NUP58: variants seen among roughly 807,000 people sequenced by gnomAD.
NUP58 encodes nucleoporin p58/p45.
Under a neutral mutation model 70.1 loss-of-function variants are expected in NUP58, and 17 were observed. The observed-to-expected ratio is 0.24, with a 90% CI of 0.17 to 0.36. The LOEUF (loss-of-function observed/expected upper bound fraction) is 0.36, where lower values mean the gene tolerates loss of function less well. Among genes scored for constraint, NUP58 ranks in the 10% least tolerant of loss-of-function variants. The pLI is 1.00. For missense variants in NUP58, 644 were observed against 701.5 expected, an observed-to-expected ratio of 0.92 and a Z score of 0.93; for synonymous variants, 275 against 257.6, an observed-to-expected ratio of 1.07 and a Z score of -0.65.
chr13:25,340,168 G>A lies in NUP58; in HGVS notation c.*34G>A. The A allele has an allele frequency of 6.5e-7, 1 of 1,542,938 alleles. No individual in the cohort carries two copies. Among genetic ancestry groups the A allele is most frequent in the Non-Finnish European group, 8.7e-7 (1 of 1,144,648 alleles). ...TGATGTGTTGAGAGAATCCATAGCA[G>A]CACCGTTCATTCTATGAGTCTATTT... On this transcript the variant is annotated 3_prime_UTR_variant, in exon 16 of 16. Transcript: ENST00000381736.
intron 5 of NUP58, among the ~76,000 whole-genome samples, 171 bp downstream of exon 5, chr13:25,313,922 TTTTATTTA>T (rs1256019715): frequency 2.6e-5 from 4 of 152,110 alleles, no homozygotes; most frequent in Admixed American, 1.3e-4. Context: ...ATTAACCGTA[TTTTATTTA>T]TTTATTTATT....
In NUP58 at chr13:25,312,956, A is replaced by C. The variant is rs1352640863; in HGVS notation, c.360A>C (p.Thr120=). ...LGFNKPAASA[T]PFALPITSTS... ...TCAATAAACCTGCAGCATCTGCCACACCATTTGCTCTACCTATTACCTCTA... is the reference window on the plus strand; with the variant it reads ...TCAATAAACCTGCAGCATCTGCCACCCCATTTGCTCTACCTATTACCTCTA... The change falls in exon 4 of 16, where the codon ACA becomes ACC. Residue 120 remains threonine (T), a synonymous_variant. Transcript: ENST00000381736. 6.2e-7 allele frequency: 1 copy of C among 1,614,134 alleles called. No individual in the cohort carries two copies. The highest frequency in any genetic ancestry group is 1.7e-5 in the Admixed American group (1 of 60,016).
At chr13:25,349,546 G>C (rs760952908) in intron 3 of NUP58, 9 of 152,584 alleles carry the variant, frequency 5.9e-5, no homozygotes, top group Admixed American at 1.3e-4. Context: ...CAGTCTAAAC[G>C]ATTTTTCTCT....
chr13:25,318,252 T>C (rs952414861), intron 6 of NUP58, among the ~76,000 whole-genome samples: 1 of 151,702 alleles, frequency 6.6e-6, no homozygotes, highest in Non-Finnish European at 1.5e-5. Context: ...TGCTTGAACC[T>C]GGGCAGCAGA....
rs577216501 is a variant in NUP58 at position 25,336,928 on chromosome 13, T to A, written c.1436-8T>A. The A allele has an allele frequency of 4.7e-5, 72 of 1,536,312 alleles. No homozygotes were observed. Among genetic ancestry groups the A allele is most frequent in the East Asian group, 6.9e-5 (3 of 43,536 alleles). ...TTCCCCCCCATTTTTTTTTTTTTTT[T>A]ATACCAGGGCCACAGCCATCTCTGG... On this transcript the variant is annotated splice_polypyrimidine_tract_variant and splice_region_variant and intron_variant, in intron 13 of 15. Transcript: ENST00000381736.
chr13:25,321,777 C>A (rs968040499), intron 9 of NUP58, among the ~76,000 whole-genome samples: 7 of 151,988 alleles, frequency 4.6e-5, no homozygotes, highest in African/African-American at 1.7e-4. Flanking sequence ...ATTAGCCAGG[C>A]GTGGTGGTGC....
In NUP58 at chr13:25,342,068, G is replaced by A. The variant is rs1338100332; in HGVS notation, c.*1934G>A. ...GAAATAAGGAAAATTATTTATCTCTGAGCACTAAACTTATTTTTGCATATT... is the reference window on the plus strand; with the variant it reads ...GAAATAAGGAAAATTATTTATCTCTAAGCACTAAACTTATTTTTGCATATT... On this transcript the variant is annotated 3_prime_UTR_variant, in exon 16 of 16. Coordinates refer to ENST00000381736, the MANE Select transcript of NUP58 (RefSeq NM_014089.4). The A allele has an allele frequency of 1.3e-5, 2 of 152,132 alleles. No homozygotes were observed. Among genetic ancestry groups the A allele is most frequent in the African/African-American group, 4.8e-5 (2 of 41,386 alleles). The allele number at this position is 152,132 out of a possible 1,614,324, so 9.4% of individuals were successfully genotyped here.
chr13:25,323,005 A>G (rs2031249523), intron 9 of NUP58, among the ~76,000 whole-genome samples: 1 of 152,178 alleles, frequency 6.6e-6, no homozygotes, highest in Non-Finnish European at 1.5e-5. Flanking sequence ...GAATGCTGTA[A>G]TGGGACCCAT....
chr13:25,302,147 T>TCA lies in NUP58; in HGVS notation c.107+267_107+268insCA, dbSNP rs1430114960. On this transcript the variant is annotated intron_variant, in intron 1 of 15. Transcript: ENST00000381736. ...TAGTTCAGGCATTATTTGGACCTAG[T>TCA]GGGGTCTTGACTGCGTGGAAGGGCC... is the stretch of plus-strand genomic sequence containing the variant. Among the ~76,000 whole-genome samples, 9 of 152,386 alleles carry TCA rather than the reference T, an allele frequency of 5.9e-5. No individual in the cohort carries two copies. In the East Asian group the frequency reaches 1.7e-3, roughly 29 times the overall value.
At chr13:25,346,472 C>T (rs2032051820), downstream of NUP58, among the ~76,000 whole-genome samples, 1 of 152,104 alleles carries the variant, frequency 6.6e-6, no homozygotes, top group Admixed American at 6.5e-5. Flanking sequence ...GTAATCCCAG[C>T]ACTTTGGGAG....
chr13:25,325,142 T>C (rs2031345976), intron 10 of NUP58, 74 bp downstream of exon 10: 1 of 1,037,920 alleles, frequency 9.6e-7, no homozygotes, highest in Non-Finnish European at 1.4e-6. Flanking sequence ...GTATACAAAC[T>C]AAATATTTTT....
chr13:25,338,296 A>T (rs1349822230), intron 14 of NUP58, among the ~76,000 whole-genome samples: 1 of 152,214 alleles, frequency 6.6e-6, no homozygotes, highest in East Asian at 1.9e-4. Context: ...AAATACCCCT[A>T]AAGTGGAAAT....
intron 6 of NUP58, among the ~76,000 whole-genome samples, chr13:25,317,192 T>G (rs1378040304): frequency 6.6e-6 from 1 of 152,180 alleles, no homozygotes; most frequent in Non-Finnish European, 1.5e-5. Flanking sequence ...GAGAAGGACC[T>G]TGACCCTTTT....
downstream of NUP58, among the ~76,000 whole-genome samples, chr13:25,345,826 T>C (rs977714182): frequency 1.4e-4 from 21 of 152,118 alleles, no homozygotes; most frequent in African/African-American, 5.1e-4. Flanking sequence ...GCAACATACA[T>C]AGGAGAGAGT....
chr13:25,338,185 T>C (rs1393391467), intron 14 of NUP58, among the ~76,000 whole-genome samples: 1 of 152,136 alleles, frequency 6.6e-6, no homozygotes, highest in East Asian at 1.9e-4. Flanking sequence ...ATTAAAAATG[T>C]TTTGGGAAAG....
At chr13:25,307,050 G>A (rs35172295) in intron 1 of NUP58, among the ~76,000 whole-genome samples, 1 of 152,032 alleles carries the variant, frequency 6.6e-6, no homozygotes, top group African/African-American at 2.4e-5. Flanking sequence ...GCAATGGAAA[G>A]CTAGTGAAGA....
chr13:25,315,303 G>A (rs370046638), intron 5 of NUP58, 54 bp from the exon 6 acceptor site: 2 of 1,280,094 alleles, frequency 1.6e-6, no homozygotes. Context: ...TGATCAGTAA[G>A]GGGAAATTGT....
Position 25,318,598 on chromosome 13 carries a change from C to T in NUP58, c.686-728C>T, listed in dbSNP as rs558965159. The stretch of plus-strand genomic sequence containing the variant: ...AATACCGTAAGAAAAGTGTGCAAAT[C>T]ACAAGTAAGCAGTTCATGAAAGAAG... On this transcript the variant is annotated intron_variant, in intron 6 of 15. Transcript: ENST00000381736. Among the ~76,000 whole-genome samples, 67 of 152,136 alleles carry T rather than the reference C, an allele frequency of 4.4e-4. 2 individuals are homozygous for T. In the South Asian group the frequency reaches 9.1e-3, roughly 21 times the overall value.
chr13:25,309,901 G>GTT (rs1385051670), intron 3 of NUP58: 2 of 212,300 alleles, frequency 9.4e-6, no homozygotes, highest in African/African-American at 4.7e-5. Context: ...CTTAAATTGA[G>GTT]TTTTAAGTTA....
Sources: allele counts gnomAD v4.1 joint callset (sites outside exome capture counted in the v4.1 genomes callset), GRCh38; gene constraint gnomAD v4.1.1; transcripts MANE v1.5; gene names NCBI Gene and HGNC (gene_info 2026-07-23, HGNC 2026-07-21).